The following PCDH15 variants were observed in gnomAD, a reference collection of about 807,000 sequenced individuals.
The protein encoded by PCDH15 is protocadherin related 15.
PCDH15 carries 129 observed loss-of-function variants against 178.5 expected under a neutral mutation model. The observed-to-expected ratio is 0.72, with a 90% CI of 0.63 to 0.84. The LOEUF (loss-of-function observed/expected upper bound fraction) is 0.84. PCDH15 is among the 40% of genes least tolerant of loss of function. PCDH15 has a pLI of 0.00. For synonymous variants in PCDH15, 800 were observed against 732.0 expected, an observed-to-expected ratio of 1.09 and a Z score of -1.50; for missense variants, 2,230 against 2,099.9, an observed-to-expected ratio of 1.06 and a Z score of -1.21.
chr10:55,259,352 A>G (rs1842090550), intron 1 of PCDH15, among the ~76,000 whole-genome samples: 1 of 152,208 alleles, frequency 6.6e-6, no homozygotes, highest in African/African-American at 2.4e-5. Flanking sequence ...CCAGTCTTGG[A>G]AAGGGAAAAG....
intron 3 of PCDH15, among the ~76,000 whole-genome samples, chr10:54,451,328 T>A (rs1346811651): frequency 6.6e-6 from 1 of 151,956 alleles, no homozygotes; most frequent in Non-Finnish European, 1.5e-5. Flanking sequence ...TGAAAGTCTA[T>A]AGACTTCAAC....
At chr10:55,050,171 A>G (rs1378130816) in intron 2 of PCDH15, among the ~76,000 whole-genome samples, 1 of 151,978 alleles carries the variant, frequency 6.6e-6, no homozygotes, top group African/African-American at 2.4e-5. Flanking sequence ...TGTTTAACCC[A>G]TATAGAAAAA....
intron 5 of PCDH15, among the ~76,000 whole-genome samples, chr10:54,361,785 G>A (rs1469393903): frequency 1.3e-5 from 2 of 151,926 alleles, no homozygotes; most frequent in Non-Finnish European, 2.9e-5. Flanking sequence ...TACACTTTCA[G>A]ATTTTAAGAC....
chr10:55,518,684 A>G (rs1481037489), intron 2 of PCDH15, among the ~76,000 whole-genome samples: 2 of 152,042 alleles, frequency 1.3e-5, no homozygotes, highest in Admixed American at 6.6e-5. Flanking sequence ...ATATGCCTGC[A>G]GCTGCAGGAA....
At chr10:54,273,195 T>A (rs913979447) in intron 8 of PCDH15, among the ~76,000 whole-genome samples, 1 of 151,790 alleles carries the variant, frequency 6.6e-6, no homozygotes, top group African/African-American at 2.4e-5. Context: ...CAAAGAAAAA[T>A]AAAAATAGAA....
chr10:54,622,654 C>CTATATATTA (rs2093407633), intron 2 of PCDH15, among the ~76,000 whole-genome samples: 2 of 87,920 alleles, frequency 2.3e-5, no homozygotes, highest in South Asian at 5.2e-4. Context: ...TATATATATA[C>CTATATATTA]TATATAATAT....
At chr10:54,615,783 A>G (rs900990626) in intron 2 of PCDH15, among the ~76,000 whole-genome samples, 3 of 152,154 alleles carry the variant, frequency 2.0e-5, no homozygotes, top group Admixed American at 2.0e-4. Flanking sequence ...TTCTCCATTT[A>G]TCTTGAAATA....
At chr10:54,310,762 A>C (rs1339712768) in intron 8 of PCDH15, among the ~76,000 whole-genome samples, 6 of 152,062 alleles carry the variant, frequency 3.9e-5, no homozygotes, top group Admixed American at 3.9e-4. Context: ...GAAAAAAAGA[A>C]TTACAAAAGA....
intron 2 of PCDH15, among the ~76,000 whole-genome samples, chr10:55,541,036 T>C (rs1486093129): frequency 6.6e-6 from 1 of 152,094 alleles, no homozygotes; most frequent in African/African-American, 2.4e-5. Flanking sequence ...TATGCCGACA[T>C]AGGATTCGGC....
At chr10:54,942,859 G>A (rs185788520) in intron 2 of PCDH15, among the ~76,000 whole-genome samples, 2 of 152,110 alleles carry the variant, frequency 1.3e-5, no homozygotes, top group East Asian at 3.9e-4. Flanking sequence ...TACCCAAATG[G>A]AAACTTTACT....
chr10:55,329,754 G>C (rs567537365), intron 2 of PCDH15, among the ~76,000 whole-genome samples: 1 of 151,854 alleles, frequency 6.6e-6, no homozygotes, highest in South Asian at 2.1e-4. Flanking sequence ...TAGGTTCTAA[G>C]AATATATGAT....
intron 2 of PCDH15, among the ~76,000 whole-genome samples, chr10:55,550,813 CCTT>C (rs1200273260): frequency 6.6e-6 from 1 of 152,048 alleles, no homozygotes; most frequent in Non-Finnish European, 1.5e-5. Context: ...TGTAATCTTA[CCTT>C]CTTCTACTTC....
At position 53,978,664 on chromosome 10, in the gene PCDH15, T is replaced by G. The variant is rs1331183239; in HGVS notation, c.2869-16772A>C. On this transcript the variant is annotated intron_variant, in intron 21 of 37. Coordinates refer to ENST00000644397, the MANE Select transcript of PCDH15 (RefSeq NM_001384140.1). ...AATTCCTCTCCAGAAAATGTTTTTT[T>G]TTTTTTTTTTCTACTGCATCATCAG... Among the ~76,000 whole-genome samples, 812 of 152,092 alleles carry G rather than the reference T, an allele frequency of 5.3e-3. 11 individuals are homozygous for G. Among genetic ancestry groups the G allele is most frequent in the African/African-American group, 0.018 (755 of 41,472 alleles).
upstream of PCDH15, among the ~76,000 whole-genome samples, chr10:54,801,960 TA>T (rs1226604611): frequency 5.9e-5 from 9 of 152,354 alleles, no homozygotes; most frequent in East Asian, 1.2e-3. Context: ...TTAAGGAATC[TA>T]TCTTGCATAG....
chr10:55,234,197 G>A (rs965540548), intron 1 of PCDH15, among the ~76,000 whole-genome samples: 1 of 152,030 alleles, frequency 6.6e-6, no homozygotes, highest in Non-Finnish European at 1.5e-5. Context: ...TCAACCAAGT[G>A]TAATAGGATT....
At chr10:55,162,557 C>T (rs1226241560) in intron 2 of PCDH15, among the ~76,000 whole-genome samples, 1 of 152,132 alleles carries the variant, frequency 6.6e-6, no homozygotes, top group East Asian at 1.9e-4. Flanking sequence ...CATTCCTGGG[C>T]ATGGGCCAAG....
chr10:55,131,759 G>T (rs1164081982), intron 2 of PCDH15, among the ~76,000 whole-genome samples: 1 of 151,980 alleles, frequency 6.6e-6, no homozygotes, highest in Admixed American at 6.6e-5. Context: ...CCTGAGCATG[G>T]TTGACTTTGT....
At chr10:54,530,453 A>G (rs2083792023) in intron 2 of PCDH15, among the ~76,000 whole-genome samples, 2 of 152,088 alleles carry the variant, frequency 1.3e-5, no homozygotes, top group East Asian at 1.9e-4. Flanking sequence ...TTTCTCTCTC[A>G]CAAGAGCTTC....
At chr10:54,164,296 C>T (rs927426395) in intron 13 of PCDH15, among the ~76,000 whole-genome samples, 5 of 151,818 alleles carry the variant, frequency 3.3e-5, no homozygotes, top group African/African-American at 9.7e-5. Context: ...AATATTTCAT[C>T]TCTCTGCCTC....
Sources: gnomAD v4.1 joint callset for allele counts (sites outside exome capture counted in the v4.1 genomes callset) on GRCh38, gnomAD v4.1.1 for gene constraint, MANE v1.5 for transcripts, NCBI Gene and HGNC (gene_info 2026-07-23, HGNC 2026-07-21) for gene names.